NEK5: variants seen among roughly 807,000 people sequenced by gnomAD.
NEK5 encodes serine/threonine-protein kinase Nek5.
In NEK5, 88 loss-of-function variants were observed where a neutral mutation model predicts 109.2. The ratio of observed to expected loss-of-function variants is 0.81; its 90% CI spans 0.68 to 0.96. The LOEUF (loss-of-function observed/expected upper bound fraction) is 0.96. Among genes scored for constraint, NEK5 ranks in the 40% least tolerant of loss-of-function variants. NEK5 has a pLI of 0.00. For synonymous variants in NEK5, 283 were observed against 299.9 expected (o/e 0.94, Z 0.58); for missense variants, 834 against 920.7 (o/e 0.91, Z 1.22).
chr13:52,100,710 TAA>T (rs527362752), intron 11 of NEK5, among the ~76,000 whole-genome samples: 1 of 148,784 alleles, frequency 6.7e-6, no homozygotes, highest in Admixed American at 6.7e-5. Context: ...CCCATCTCAA[TAA>T]AAAAAAAATT....
At position 52,042,987 on chromosome 13, in the gene NEK5, A is replaced by AT. The variant is rs1954426329; in HGVS notation, c.2229-5770dup. Among the ~76,000 whole-genome samples, 7 of 152,228 alleles carry AT rather than the reference A, an allele frequency of 4.6e-5. No individual in the cohort carries two copies. The South Asian group carries it at 1.4e-3, about 32-fold the overall frequency. On this transcript the variant is annotated intron_variant, in intron 23 of 23. Coordinates refer to ENST00000684899, the MANE Select transcript of NEK5 (RefSeq NM_001365552.1). ...AATTAACATTAAAAGACATTTTCAC[A>AT]TGACAAGGAGCACATAAACCAACTA...
chr13:52,064,447 T>TG (rs1168783977), intron 21 of NEK5, among the ~76,000 whole-genome samples: 15 of 79,470 alleles, frequency 1.9e-4, no homozygotes, highest in South Asian at 4.7e-4. Flanking sequence ...GGGAGGGAGG[T>TG]GGGGGGGGTC....
chr13:52,053,581 T>C (rs1398284771), intron 22 of NEK5, among the ~76,000 whole-genome samples: 1 of 151,778 alleles, frequency 6.6e-6, no homozygotes, highest in Non-Finnish European at 1.5e-5. Flanking sequence ...AGAGATTGAA[T>C]CTTGAGACAA....
chr13:52,066,790 T>G (rs2137769850), intron 20 of NEK5, among the ~76,000 whole-genome samples: 1 of 150,664 alleles, frequency 6.6e-6, no homozygotes. Flanking sequence ...GGTGACAGAG[T>G]GAGACGCTGT....
chr13:52,102,248 T>G lies in NEK5; in HGVS notation c.654A>C (p.Gln218His). The change falls in exon 10 of 24, where the codon CAA (glutamine) becomes CAC (histidine). Residue 218 changes from glutamine to histidine, a missense_variant. This residue lies in a region of NEK5 where 777 missense variants were observed against 824.7 expected (regional missense o/e 0.94). Coordinates refer to ENST00000684899, the MANE Select transcript of NEK5 (RefSeq NM_001365552.1). ...CCGGAGATATTGGGGCAAAATGTGC[T>G]TGACAAATCTTCAGAACCAGCTGCT... ...NLQQLVLKIC[Q>H]AHFAPISPGF... 1 of 1,614,158 alleles carries G rather than the reference T, an allele frequency of 6.2e-7. No individual in the cohort carries two copies. Among genetic ancestry groups the G allele is most frequent in the Non-Finnish European group, 8.5e-7 (1 of 1,180,028 alleles).
rs892852630 is a variant in NEK5 at position 52,069,852 on chromosome 13, C to T, written c.1849+2092G>A. Among the ~76,000 whole-genome samples the T allele has an allele frequency of 2.0e-5, 3 of 152,184 alleles. No homozygotes were observed. In the East Asian group the frequency reaches 5.8e-4, roughly 29 times the overall value. On this transcript the variant is annotated intron_variant, in intron 20 of 23. Transcript: ENST00000684899. ...ATCACAAAAATGATGGCATGTGAAG[C>T]CCTGGAGGAGTGCGGACCTCCCTGA...
chr13:52,036,098 T>G lies in NEK5; in HGVS notation c.*850A>C, dbSNP rs1383592142. The G allele has an allele frequency of 6.6e-6, 1 of 152,240 alleles. No homozygotes were observed. The highest frequency in any genetic ancestry group is 1.5e-5 in the Non-Finnish European group (1 of 68,044). The allele number at this position is 152,240 out of a possible 1,614,324, so 9.4% of individuals were successfully genotyped here. ...AGGGCTGTGTTCCTTCTGGAGGCTC[T>G]AGGGAAGAATCCATTTCTTTGCCTT... On this transcript the variant is annotated 3_prime_UTR_variant, in exon 24 of 24. Coordinates refer to ENST00000684899, the MANE Select transcript of NEK5 (RefSeq NM_001365552.1).
rs1411749046 is a variant in NEK5 at position 52,065,532 on chromosome 13, T to A, written c.1927A>T (p.Met643Leu). Residue 643 changes from methionine (M) to leucine (L), a missense_variant, in exon 21 of 24, where the codon ATG (methionine) becomes TTG (leucine). Met to Leu is a conservative substitution (Grantham distance 15). Coordinates refer to ENST00000684899, the MANE Select transcript of NEK5 (RefSeq NM_001365552.1). ...DGGAPQTLLQMMAVADITSTC... is the reference protein window; with the variant it reads ...DGGAPQTLLQLMAVADITSTC... The stretch of plus-strand genomic sequence containing the variant: ...GAGGTGATGTCGGCCACTGCCATCA[T>A]CTGCAGCAGAGTCTGAGGCGCTCCT... 1 of 1,613,842 alleles carries A rather than the reference T, an allele frequency of 6.2e-7. No individual in the cohort carries two copies. The highest frequency in any genetic ancestry group is 8.5e-7 in the Non-Finnish European group (1 of 1,179,706).
chr13:52,080,200 G>T (rs1057239096), intron 17 of NEK5, among the ~76,000 whole-genome samples: 3 of 147,658 alleles, frequency 2.0e-5, no homozygotes, highest in Non-Finnish European at 4.5e-5. Flanking sequence ...CAGCCGCCCC[G>T]TCCGGGAGGG....
intron 20 of NEK5, among the ~76,000 whole-genome samples, chr13:52,068,064 A>C (rs956217577): frequency 2.0e-5 from 3 of 152,108 alleles, no homozygotes; most frequent in African/African-American, 7.2e-5. Flanking sequence ...CTAGGAGAAC[A>C]GGGTGGAGCT....
At chr13:52,099,942 G>C in intron 11 of NEK5, 66 bp from the exon 12 acceptor site, 1 of 1,228,938 alleles carries the variant, frequency 8.1e-7, no homozygotes, top group Non-Finnish European at 1.2e-6. Context: ...ACTGATACTT[G>C]TAAGAGTATA....
intron 12 of NEK5, among the ~76,000 whole-genome samples, chr13:52,097,747 G>A (rs1955446050): frequency 6.6e-6 from 1 of 152,156 alleles, no homozygotes; most frequent in Admixed American, 6.5e-5. Context: ...AGCCTTGGGG[G>A]ACTGTTGAGA....
chr13:52,052,701 G>C (rs1305787967), intron 22 of NEK5, among the ~76,000 whole-genome samples: 1 of 151,250 alleles, frequency 6.6e-6, no homozygotes, highest in Admixed American at 6.6e-5. Flanking sequence ...TATCTATAAA[G>C]GAAATCTTCA....
intron 23 of NEK5, among the ~76,000 whole-genome samples, chr13:52,045,460 A>AT (rs886240630): frequency 6.7e-6 from 1 of 149,940 alleles, no homozygotes; most frequent in Admixed American, 6.7e-5. Flanking sequence ...GTGAGGAGTT[A>AT]TTTGGGGAAA....
chr13:52,124,492 T>G (rs1249069104), intron 3 of NEK5, among the ~76,000 whole-genome samples: 1 of 152,228 alleles, frequency 6.6e-6, no homozygotes, highest in African/African-American at 2.4e-5. Flanking sequence ...ACCTACAACA[T>G]GATTGCTAAT....
intron 23 of NEK5, among the ~76,000 whole-genome samples, chr13:52,046,224 C>A (rs1041326631): frequency 2.6e-5 from 4 of 151,174 alleles, no homozygotes; most frequent in African/African-American, 4.9e-5. Flanking sequence ...TGCCTGTAAT[C>A]TTAACCCCTT....
intron 16 of NEK5, among the ~76,000 whole-genome samples, chr13:52,084,290 G>GA (rs1426767603): frequency 6.6e-6 from 1 of 151,724 alleles, no homozygotes; most frequent in Non-Finnish European, 1.5e-5. Flanking sequence ...GAGTGCAGTG[G>GA]AAAAATCACA....
chr13:52,066,989 C>T (rs972172470), intron 20 of NEK5, among the ~76,000 whole-genome samples: 6 of 152,102 alleles, frequency 3.9e-5, no homozygotes, highest in South Asian at 2.1e-4. Flanking sequence ...TTTCTTTTCA[C>T]GCTGACTTGT....
intron 4 of NEK5, among the ~76,000 whole-genome samples, chr13:52,116,127 G>A (rs917873789): frequency 1.4e-5 from 2 of 145,520 alleles, no homozygotes; most frequent in East Asian, 4.0e-4. Context: ...GCTGCAGTGA[G>A]CTGTAATCAC....
Sources: allele counts gnomAD v4.1 joint callset (sites outside exome capture counted in the v4.1 genomes callset), GRCh38; gene constraint gnomAD v4.1.1; regional missense constraint gnomAD v4.1.1; transcripts MANE v1.5; gene names NCBI Gene and HGNC (gene_info 2026-07-23, HGNC 2026-07-21).